The following PPP2R2B variants were observed in gnomAD, a reference collection of about 807,000 sequenced individuals.
The protein encoded by PPP2R2B is protein phosphatase 2 regulatory subunit Bbeta, also known as serine/threonine-protein phosphatase 2A 55 kDa regulatory subunit B beta isoform.
In PPP2R2B, 5 loss-of-function variants were observed where a neutral mutation model predicts 46.0. That is an observed-to-expected ratio of 0.11 (90% confidence interval 0.06 to 0.23). PPP2R2B has a LOEUF of 0.23. Among genes scored for constraint, PPP2R2B ranks in the 10% least tolerant of loss-of-function variants. The pLI is 1.00. For synonymous variants in PPP2R2B, 215 were observed against 206.7 expected (o/e 1.04, Z -0.34); for missense variants, 367 against 575.0 (o/e 0.64, Z 3.70).
intron 6 of PPP2R2B, among the ~76,000 whole-genome samples, chr5:146,639,498 T>C (rs1242917137): frequency 6.6e-6 from 1 of 152,192 alleles, no homozygotes; most frequent in Non-Finnish European, 1.5e-5. Context: ...AGTGGGTTTG[T>C]ACAGATCTCT....
At chr5:146,748,036 C>G (rs772770405) in intron 2 of PPP2R2B, among the ~76,000 whole-genome samples, 51 of 152,160 alleles carry the variant, frequency 3.4e-4, no homozygotes, top group Non-Finnish European at 4.9e-4. Context: ...AAAAGCAGCT[C>G]CCATCTACTG....
intron 2 of PPP2R2B, chr5:146,707,633 C>G: frequency 1.7e-6 from 1 of 598,738 alleles, no homozygotes; most frequent in South Asian, 2.1e-5. Context: ...CGGGCTGAAC[C>G]AGGCGGAGAT....
rs117782949 is a variant in PPP2R2B at position 146,969,240 on chromosome 5, T to C, written c.79+86425A>G. ...ATCTAATCTGAGACCTGAAGGAAAA[T>C]AGATATTAACTATATGAAGGGTGGA... On this transcript the variant is annotated intron_variant, in intron 1 of 8. Transcript: ENST00000336640. 2.5e-3 allele frequency among the ~76,000 whole-genome samples: 386 copies of C among 152,114 alleles called. 9 individuals are homozygous for C. In the East Asian group the frequency reaches 0.05, roughly 20 times the overall value.
At chr5:146,719,709 C>T (rs907703029) in intron 2 of PPP2R2B, among the ~76,000 whole-genome samples, 30 of 152,198 alleles carry the variant, frequency 2.0e-4, no homozygotes, top group African/African-American at 6.7e-4. Context: ...GTGGATAGGT[C>T]ATATCTGACA....
In PPP2R2B at chr5:146,885,272, C is replaced by T. The variant is rs189984102; in HGVS notation, c.79+170393G>A. On this transcript the variant is annotated intron_variant, in intron 1 of 8. Transcript: ENST00000336640. ...CAAAGTCAGATAGATGAGAGCCTGG[C>T]GCCAACCCATGATCTGTCTCTACAG... 1.6e-4 allele frequency among the ~76,000 whole-genome samples: 24 copies of T among 152,234 alleles called. No homozygotes were observed. In the East Asian group the frequency reaches 3.7e-3, roughly 23 times the overall value.
chr5:147,073,613 G>T (rs1194129053), intron 2 of PPP2R2B, among the ~76,000 whole-genome samples: 2 of 152,140 alleles, frequency 1.3e-5, no homozygotes, highest in African/African-American at 4.8e-5. Flanking sequence ...ACATTTATTG[G>T]CATTCTGGTT....
Position 146,958,157 on chromosome 5 carries a change from C to T in PPP2R2B, c.79+97508G>A, listed in dbSNP as rs115460114. ...CAACGAGCAGACATTAATCGCAGAT[C>T]TCCCGAAGGCCCCACCCTTTCAGAT... On this transcript the variant is annotated intron_variant, in intron 1 of 8. Transcript: ENST00000336640. Among the ~76,000 whole-genome samples the T allele has an allele frequency of 5.6e-3, 849 of 152,218 alleles. 7 individuals carry two copies. Among genetic ancestry groups the T allele is most frequent in the African/African-American group, 0.019 (797 of 41,524 alleles).
At chr5:146,663,785 G>C (rs1776815631) in intron 5 of PPP2R2B, among the ~76,000 whole-genome samples, 2 of 152,080 alleles carry the variant, frequency 1.3e-5, no homozygotes, top group Non-Finnish European at 2.9e-5. Flanking sequence ...ATTGATCAGG[G>C]TGGTAGTTGC....
At chr5:146,721,217 T>C (rs1392966650) in intron 2 of PPP2R2B, among the ~76,000 whole-genome samples, 1 of 152,190 alleles carries the variant, frequency 6.6e-6, no homozygotes, top group East Asian at 1.9e-4. Flanking sequence ...GTATTTGTTT[T>C]TCACTATTTA....
At chr5:147,077,312 CCACA>C (rs1299401279) in intron 2 of PPP2R2B, among the ~76,000 whole-genome samples, 5 of 121,638 alleles carry the variant, frequency 4.1e-5, no homozygotes, top group East Asian at 2.7e-4. Context: ...ACACACACAC[CCACA>C]CCCACACCCC....
intron 2 of PPP2R2B, among the ~76,000 whole-genome samples, chr5:146,711,601 T>A (rs1236845791): frequency 6.6e-6 from 1 of 152,072 alleles, no homozygotes; most frequent in African/African-American, 2.4e-5. Flanking sequence ...CCAGGTAGGG[T>A]CCTACTTGGG....
At chr5:146,616,455 A>T (rs747291574) in intron 7 of PPP2R2B, among the ~76,000 whole-genome samples, 5 of 152,212 alleles carry the variant, frequency 3.3e-5, no homozygotes, top group Non-Finnish European at 5.9e-5. Context: ...AGGATGAGGG[A>T]AAATATTTGC....
At chr5:146,665,956 C>T (rs756959085) in intron 5 of PPP2R2B, among the ~76,000 whole-genome samples, 75 of 152,278 alleles carry the variant, frequency 4.9e-4, no homozygotes, top group Non-Finnish European at 9.1e-4. Flanking sequence ...TTGCTACAAA[C>T]CTTTAACTTG....
chr5:146,590,076 T>C lies in PPP2R2B; in HGVS notation c.1203A>G (p.Lys401=). 1.2e-6 allele frequency: 2 copies of C among 1,614,138 alleles called. No individual in the cohort carries two copies. The highest frequency in any genetic ancestry group is 1.7e-6 in the Non-Finnish European group (2 of 1,180,042). The part of the protein sequence containing the change: ...RKVCVGGKRR[K]DEISVDSLDF... ...CCAGACTGTCGACACTGATCTCGTC[T>C]TTTCTCCGCTTGCCCCCCACACACA... The change falls in exon 10 of 10, where the codon AAA becomes AAG. Residue 401 remains lysine (K), a synonymous_variant. Transcript: ENST00000394411.
intron 2 of PPP2R2B, among the ~76,000 whole-genome samples, chr5:146,754,880 T>C (rs1207089006): frequency 6.6e-6 from 1 of 152,188 alleles, no homozygotes; most frequent in Non-Finnish European, 1.5e-5. Flanking sequence ...TCCAAATGAC[T>C]GTAGTCCTGG....
intron 7 of PPP2R2B, among the ~76,000 whole-genome samples, chr5:146,604,038 AC>A (rs1292316177): frequency 6.6e-6 from 1 of 152,238 alleles, no homozygotes; most frequent in Admixed American, 6.5e-5. Flanking sequence ...GTATTTCGAT[AC>A]GTGCCAGGCC....
At chr5:147,011,591 C>A (rs983398394) in intron 1 of PPP2R2B, among the ~76,000 whole-genome samples, 1 of 151,578 alleles carries the variant, frequency 6.6e-6, no homozygotes. Flanking sequence ...CCTGATTGCC[C>A]TGGCCAGAAC....
intron 1 of PPP2R2B, among the ~76,000 whole-genome samples, chr5:147,011,436 C>A (rs1387859314): frequency 6.6e-6 from 1 of 152,088 alleles, no homozygotes; most frequent in Non-Finnish European, 1.5e-5. Flanking sequence ...ATACAACTAA[C>A]TATATAACTT....
intron 2 of PPP2R2B, among the ~76,000 whole-genome samples, chr5:146,813,493 T>G (rs2151323932): frequency 6.6e-6 from 1 of 152,270 alleles, no homozygotes; most frequent in East Asian, 1.9e-4. Context: ...CTTAGAGGTA[T>G]GAATCAGTGT....
Sources: allele counts gnomAD v4.1 joint callset (sites outside exome capture counted in the v4.1 genomes callset), GRCh38; gene constraint gnomAD v4.1.1; transcripts MANE v1.5; gene names NCBI Gene and HGNC (gene_info 2026-07-23, HGNC 2026-07-21).